The following SHE variants were observed in gnomAD, a reference collection of about 807,000 sequenced individuals.
The protein encoded by SHE is Src homology 2 domain containing E.
In SHE, 11 loss-of-function variants were observed where a neutral mutation model predicts 49.8. The observed-to-expected ratio is 0.22, with a 90% confidence interval of 0.14 to 0.37. The LOEUF is 0.37. Ranked by LOEUF, SHE falls within the 10% of genes least tolerant of loss-of-function variation. The pLI is 1.00. For synonymous variants in SHE, 310 were observed against 278.1 expected (o/e 1.11, Z -1.14); for missense variants, 624 against 655.5 (o/e 0.95, Z 0.52).
At chr1:154,497,504 C>G (rs545217819) in intron 2 of SHE, among the ~76,000 whole-genome samples, 17 of 152,192 alleles carry the variant, frequency 1.1e-4, no homozygotes, top group Non-Finnish European at 2.5e-4. Context: ...ATTTAAGTAT[C>G]ATTTACATCA....
rs371821266 is a variant in SHE, at chr1:154,486,624, G to C, written c.1084C>G (p.Arg362Gly). ...FREETVRQHH[R>G]QKSWTQKILK... ...ATCTTCTGGGTCCAGCTCTTCTGCC[G>C]GTGGTGCTGCCTCACTGTCTCCTCC... is the stretch of plus-strand genomic sequence containing the variant. The change falls in exon 4 of 6, where the codon CGG becomes GGG. Residue 362 changes from arginine to glycine, a missense_variant. Arg to Gly is a moderately radical substitution (Grantham distance 125, BLOSUM62 -2). Transcript: ENST00000304760. The C allele has an allele frequency of 6.2e-7, 1 of 1,613,998 alleles. No individual in the cohort carries two copies. The highest frequency in any genetic ancestry group is 1.7e-5 in the Admixed American group (1 of 60,000).
chr1:154,499,614 G>T (rs1285188888), intron 1 of SHE, among the ~76,000 whole-genome samples: 1 of 152,078 alleles, frequency 6.6e-6, no homozygotes, highest in Non-Finnish European at 1.5e-5. Context: ...TTTATGAATT[G>T]AGTTTTTTAA....
chr1:154,489,319 C>T lies in SHE; in HGVS notation c.756G>A (p.Lys252=). 8 of 1,613,828 alleles carry T rather than the reference C, an allele frequency of 5.0e-6. No individual in the cohort carries two copies. Among genetic ancestry groups the T allele is most frequent in the Non-Finnish European group, 6.8e-6 (8 of 1,179,862 alleles). ...RRRGSKDPLV[K]ALQLLDSPCE... ...AGGGACTGTCAAGCAGCTGGAGAGC[C>T]TTCACCAGGGGATCTTTGGAACCCC... Residue 252 remains lysine (K), a synonymous_variant, in exon 3 of 6, where the codon AAG becomes AAA. Coordinates refer to ENST00000304760, the MANE Select transcript of SHE (RefSeq NM_001010846.3).
rs568181967 is a variant in SHE, at chr1:154,482,169, G to A, written c.*1980C>T. 15 of 263,998 alleles carry A rather than the reference G, an allele frequency of 5.7e-5. No homozygotes were observed. The highest frequency in any genetic ancestry group is 4.6e-4 in the Admixed American group (7 of 15,372). 16.4% of individuals were successfully genotyped at this position (263,998 alleles called of 1,614,324 possible). On this transcript the variant is annotated 3_prime_UTR_variant, in exon 6 of 6. Transcript: ENST00000304760. ...GCTGGAACTACAGGTGCCCGCCACC[G>A]TGCCCAGCTAATTTTTGTATTTTTA...
chr1:154,471,911 G>A (rs1691755207), intron 1 of SHE, among the ~76,000 whole-genome samples: 1 of 152,124 alleles, frequency 6.6e-6, no homozygotes, highest in Non-Finnish European at 1.5e-5. Flanking sequence ...AGTGGCTCAC[G>A]CCTGTAATCC....
chr1:154,490,703 C>A (rs1049098259), intron 2 of SHE, among the ~76,000 whole-genome samples: 1 of 151,862 alleles, frequency 6.6e-6, no homozygotes, highest in Non-Finnish European at 1.5e-5. Flanking sequence ...CAGCTGGAAG[C>A]ATAGGCAAGC....
Position 154,480,148 on chromosome 1 carries a change from A to C in SHE, c.*4001T>G, listed in dbSNP as rs1691981183. ...CAAAAATTGGAAATGAGAATACAGA[A>C]GAGTGATTCTAACCAGGTCATAAGG... On this transcript the variant is annotated 3_prime_UTR_variant, in exon 6 of 6. Transcript: ENST00000304760. The C allele has an allele frequency of 5.1e-6, 5 of 985,464 alleles. No homozygotes were observed. The highest frequency in any genetic ancestry group is 6.0e-6 in the Non-Finnish European group (5 of 829,944). 61.0% of individuals were successfully genotyped at this position (985,464 alleles called of 1,614,324 possible).
At chr1:154,475,345 C>A (rs1346667577), downstream of SHE, among the ~76,000 whole-genome samples, 1 of 152,196 alleles carries the variant, frequency 6.6e-6, no homozygotes, top group Non-Finnish European at 1.5e-5. Context: ...CGCCACCATG[C>A]CTGGCTAATT....
chr1:154,487,159 C>A (rs951775207), intron 3 of SHE, among the ~76,000 whole-genome samples: 4 of 151,490 alleles, frequency 2.6e-5, no homozygotes, highest in African/African-American at 9.7e-5. Flanking sequence ...GGAGTCCCAG[C>A]TACTTGGGAG....
At chr1:154,495,178 A>G (rs556051670) in intron 2 of SHE, among the ~76,000 whole-genome samples, 1 of 152,244 alleles carries the variant, frequency 6.6e-6, no homozygotes, top group East Asian at 1.9e-4. Context: ...AAGAATCCTC[A>G]TGCTAACTAG....
chr1:154,501,897 C>G lies in SHE; in HGVS notation c.130G>C (p.Glu44Gln). 1.3e-6 allele frequency: 2 copies of G among 1,516,228 alleles called. No homozygotes were observed. The highest frequency in any genetic ancestry group is 8.8e-7 in the Non-Finnish European group (1 of 1,140,414). The allele number at this position is 1,516,228 out of a possible 1,614,324, so 93.9% of individuals were successfully genotyped here. A position where few individuals can be genotyped will look rare whatever the true frequency, so the allele number is the denominator to read the frequency against. Residue 44 changes from glutamate to glutamine, a missense_variant, in exon 1 of 6, where the codon GAG becomes CAG. Physicochemically the swap from Glu to Gln is conservative, Grantham distance 29. Around this residue, in one of 4 missense-constraint regions of SHE, gnomAD observed 337 missense variants for 306.0 expected, o/e 1.10. Coordinates refer to ENST00000304760, the MANE Select transcript of SHE (RefSeq NM_001010846.3). ...GPLMAAKWFK[E>Q]FPLNLKTVSE... Reference sequence around the variant, plus strand: ...ACGGTCTTCAGGTTCAGGGGGAACTCCTTGAACCACTTGGCCGCCATGAGG... The same window carrying G: ...ACGGTCTTCAGGTTCAGGGGGAACTGCTTGAACCACTTGGCCGCCATGAGG...
rs1332272611 is a variant in SHE, at chr1:154,501,513, A to T, written c.514T>A (p.Ser172Thr). 1 of 1,614,060 alleles carries T rather than the reference A, an allele frequency of 6.2e-7. No homozygotes were observed. Among genetic ancestry groups the T allele is most frequent in the Non-Finnish European group, 8.5e-7 (1 of 1,180,028 alleles). ...GAAGGGGAAGAGGACGCGGAGGAAG[A>T]GGAGCTGGAGCTGGAGCTACTGCTG... is the stretch of plus-strand genomic sequence containing the variant. ...PSSSSSSSSS[S>T]SSASSSPSSL... The change falls in exon 1 of 6, where the codon TCT becomes ACT. Residue 172 changes from serine (S) to threonine (T), a missense_variant. Ser to Thr is a moderately conservative substitution (Grantham distance 58). This residue lies in a region of SHE where 337 missense variants were observed against 306.0 expected (regional missense o/e 1.10). Transcript: ENST00000304760.
intron 3 of SHE, among the ~76,000 whole-genome samples, chr1:154,487,266 G>A (rs1222249153): frequency 1.4e-4 from 19 of 131,500 alleles, no homozygotes; most frequent in African/African-American, 3.0e-4. Flanking sequence ...GTGAGACTCC[G>A]TCTCAAAAAA....
In SHE at chr1:154,502,060, G is replaced by GGCCCCGCGACGGCT; in HGVS notation, c.-48_-35dup. 1 of 1,260,986 alleles carries GGCCCCGCGACGGCT rather than the reference G, an allele frequency of 7.9e-7. No individual in the cohort carries two copies. The highest frequency in any genetic ancestry group is 9.9e-7 in the Non-Finnish European group (1 of 1,005,780). 78.1% of individuals were successfully genotyped at this position (1,260,986 alleles called of 1,614,324 possible). ...ACTGGGGCGCTGGAGGCCGCGGCGA[G>GGCCCCGCGACGGCT]GCCCCGCGACGGCTGCTCCGTGCGC... On this transcript the variant is annotated 5_prime_UTR_variant, in exon 1 of 6. Coordinates refer to ENST00000304760, the MANE Select transcript of SHE (RefSeq NM_001010846.3).
chr1:154,478,350 A>G (rs889268732), downstream of SHE, among the ~76,000 whole-genome samples: 1 of 150,508 alleles, frequency 6.6e-6, no homozygotes, highest in Non-Finnish European at 1.5e-5. Context: ...CACCACTCCC[A>G]AGGCCAGGCT....
chr1:154,480,695 C>A lies in SHE; in HGVS notation c.*3454G>T. The A allele has an allele frequency of 1.9e-5, 19 of 985,310 alleles. No individual in the cohort carries two copies. Among genetic ancestry groups the A allele is most frequent in the Non-Finnish European group, 2.0e-5 (17 of 829,916 alleles). 61.0% of individuals were successfully genotyped at this position (985,310 alleles called of 1,614,324 possible). A position where few individuals can be genotyped will look rare whatever the true frequency, so the allele number is the denominator to read the frequency against. ...GAATAACTTAAAATGACACTTCTGC[C>A]CCCAACAGAGAGTAGATATATCAAT... On this transcript the variant is annotated 3_prime_UTR_variant, in exon 6 of 6. Transcript: ENST00000304760.
chr1:154,475,431 C>G (rs1226295213), downstream of SHE, among the ~76,000 whole-genome samples: 3 of 152,236 alleles, frequency 2.0e-5, no homozygotes, highest in Non-Finnish European at 2.9e-5. Flanking sequence ...AGGTGATCCA[C>G]CTGCCTCGGC....
chr1:154,501,804 C>G lies in SHE; in HGVS notation c.223G>C (p.Gly75Arg), dbSNP rs1344639445. 2 of 1,552,578 alleles carry G rather than the reference C, an allele frequency of 1.3e-6. No homozygotes were observed. The highest frequency in any genetic ancestry group is 8.6e-7 in the Non-Finnish European group (1 of 1,156,754). The change falls in exon 1 of 6, where the codon GGG (glycine) becomes CGG (arginine). Residue 75 changes from glycine to arginine, a missense_variant. By Grantham distance (125) the Gly-to-Arg change is moderately radical. Coordinates refer to ENST00000304760, the MANE Select transcript of SHE (RefSeq NM_001010846.3). ...TTGCGGCCCTTGCCAGGACCCGGCC[C>G]AGCGCCGCCCGCCTCCGAGTTCTTG... ...LRKNSEAGGA[G>R]PGPGKGRKNS...
Position 154,484,099 on chromosome 1 carries a change from G to A in SHE, c.*50C>T, listed in dbSNP as rs534776486. 6.3e-7 allele frequency: 1 copy of A among 1,586,364 alleles called. No homozygotes were observed. Among genetic ancestry groups the A allele is most frequent in the African/African-American group, 1.3e-5 (1 of 74,582 alleles). ...TCCTCTGAGATGCTGGTTGTGCGCT[G>A]ATGATGCCCTTGAAGGTGCCAGAGG... On this transcript the variant is annotated 3_prime_UTR_variant, in exon 6 of 6. Coordinates refer to ENST00000304760, the MANE Select transcript of SHE (RefSeq NM_001010846.3).
Sources: gnomAD v4.1 joint callset for allele counts (sites outside exome capture counted in the v4.1 genomes callset) on GRCh38, gnomAD v4.1.1 for gene constraint, gnomAD v4.1.1 regional missense constraint, MANE v1.5 for transcripts, NCBI Gene and HGNC (gene_info 2026-07-23, HGNC 2026-07-21) for gene names.